The following TECPR2 variants were observed in gnomAD, a reference collection of about 807,000 sequenced individuals.
TECPR2 encodes tectonin beta-propeller repeat-containing protein 2.
In TECPR2, 65 loss-of-function variants were observed where a neutral mutation model predicts 138.1. That is an observed-to-expected ratio of 0.47 (90% CI 0.39 to 0.58). TECPR2 has a LOEUF of 0.58. Among genes scored for constraint, TECPR2 ranks in the 20% least tolerant of loss-of-function variants. The pLI is 0.00. For missense variants in TECPR2, 1,553 were observed against 1,824.5 expected (o/e 0.85, Z 2.71); for synonymous variants, 746 against 749.8 (o/e 0.99, Z 0.08).
intron 4 of TECPR2, among the ~76,000 whole-genome samples, chr14:102,413,168 T>C (rs1888928005): frequency 6.6e-6 from 1 of 152,092 alleles, no homozygotes; most frequent in African/African-American, 2.4e-5. Context: ...TACATGACTA[T>C]AAATTTGTCA....
chr14:102,441,530 A>T (rs1261946471), intron 11 of TECPR2, among the ~76,000 whole-genome samples: 3 of 151,634 alleles, frequency 2.0e-5, no homozygotes, highest in South Asian at 2.1e-4. Context: ...AAAAAAAAAA[A>T]ATACAAAAAA....
chr14:102,418,592 T>G (rs567943705), intron 5 of TECPR2, among the ~76,000 whole-genome samples: 1 of 152,184 alleles, frequency 6.6e-6, no homozygotes, highest in East Asian at 1.9e-4. Context: ...GGGAGCCCCC[T>G]CCCGTCGGCT....
rs1180712741 is a variant in TECPR2 at position 102,415,414 on chromosome 14, C to T, written c.638+621C>T. On this transcript the variant is annotated intron_variant, in intron 5 of 19. Transcript: ENST00000359520. The surrounding 1 kb of genome is among the most constrained non-coding windows in gnomAD (Gnocchi z 4.3). ...GTTGAGAGATCATTCCTCCTTTGAC[C>T]AGTGATGTGGAGGAAGGGCATCGAG... is the stretch of plus-strand genomic sequence containing the variant. 6.6e-6 allele frequency among the ~76,000 whole-genome samples: 1 copy of T among 152,122 alleles called. No individual in the cohort carries two copies. Among genetic ancestry groups the T allele is most frequent in the Non-Finnish European group, 1.5e-5 (1 of 68,032 alleles).
Position 102,499,965 on chromosome 14 carries a change from C to A in TECPR2, c.*1708C>A, listed in dbSNP as rs1891399623. 1 of 152,856 alleles carries A rather than the reference C, an allele frequency of 6.5e-6. No individual in the cohort carries two copies. Among genetic ancestry groups the A allele is most frequent in the South Asian group, 2.1e-4 (1 of 4,828 alleles). The allele number at this position is 152,856 out of a possible 1,614,324, so 9.5% of individuals were successfully genotyped here. The stretch of plus-strand genomic sequence containing the variant: ...AAAAGTTGGTGGCAGCAGAGGCAGC[C>A]CCAGGCCGGGCTGCATCTCTCTGTG... On this transcript the variant is annotated 3_prime_UTR_variant, in exon 20 of 20. Transcript: ENST00000359520.
At chr14:102,363,293 A>G (rs1397835167) in intron 1 of TECPR2, among the ~76,000 whole-genome samples, 177 bp downstream of exon 1, 1 of 152,116 alleles carries the variant, frequency 6.6e-6, no homozygotes, top group African/African-American at 2.4e-5. Context: ...AGTGGCGGAC[A>G]CTAAATGCCA....
intron 2 of TECPR2, among the ~76,000 whole-genome samples, chr14:102,398,432 A>G (rs1186278314): frequency 3.9e-5 from 6 of 152,208 alleles, no homozygotes; most frequent in Non-Finnish European, 8.8e-5. Context: ...TTGAAGAAAT[A>G]GTATCTGGAA....
chr14:102,396,244 A>G (rs1326396324), intron 2 of TECPR2, among the ~76,000 whole-genome samples: 3 of 151,826 alleles, frequency 2.0e-5, no homozygotes, highest in East Asian at 3.9e-4. Flanking sequence ...CTGGGATTAC[A>G]GGCACACACC....
At position 102,390,076 on chromosome 14, in the gene TECPR2, A is replaced by G. The variant is rs567045983; in HGVS notation, c.219+13136A>G. 1.6e-4 allele frequency among the ~76,000 whole-genome samples: 25 copies of G among 152,368 alleles called. No individual in the cohort carries two copies. The East Asian group carries it at 4.8e-3, about 29-fold the overall frequency. On this transcript the variant is annotated intron_variant, in intron 2 of 19. Transcript: ENST00000359520. Reference sequence around the variant, plus strand: ...ATTCTTTGGTATGCTAGTGGTTTCTACTGAAGGTTAAGCTTTGACCTACTA... The same window carrying G: ...ATTCTTTGGTATGCTAGTGGTTTCTGCTGAAGGTTAAGCTTTGACCTACTA...
intron 2 of TECPR2, among the ~76,000 whole-genome samples, chr14:102,391,260 A>G (rs1340231537): frequency 4.6e-5 from 7 of 152,036 alleles, no homozygotes; most frequent in Non-Finnish European, 1.0e-4. Flanking sequence ...GAGTTTCACC[A>G]TGTTGGCGAG....
chr14:102,445,361 G>A (rs1471472999), intron 12 of TECPR2, among the ~76,000 whole-genome samples: 1 of 151,918 alleles, frequency 6.6e-6, no homozygotes, highest in Non-Finnish European at 1.5e-5. Flanking sequence ...AGGCGCTCAG[G>A]GGCCTTGGAT....
intron 16 of TECPR2, among the ~76,000 whole-genome samples, chr14:102,464,098 G>A (rs147301083): frequency 3.8e-4 from 58 of 152,288 alleles, no homozygotes; most frequent in Middle Eastern, 3.4e-3. Flanking sequence ...ACCTCCTGCC[G>A]TGTGGCCCTC....
Position 102,498,293 on chromosome 14 carries a change from G to T in TECPR2, c.*36G>T. 1 of 1,577,326 alleles carries T rather than the reference G, an allele frequency of 6.3e-7. No homozygotes were observed. The highest frequency in any genetic ancestry group is 8.5e-7 in the Non-Finnish European group (1 of 1,169,728). On this transcript the variant is annotated 3_prime_UTR_variant, in exon 20 of 20. Coordinates refer to ENST00000359520, the MANE Select transcript of TECPR2 (RefSeq NM_014844.5). Reference sequence around the variant, plus strand: ...GCCGAGTCACGCGGAGGGGCCCGGCGTCTGTGGCGGGCACAGGGGCTTCAG... The same window carrying T: ...GCCGAGTCACGCGGAGGGGCCCGGCTTCTGTGGCGGGCACAGGGGCTTCAG...
chr14:102,376,503 A>G, intron 1 of TECPR2, 147 bp from the exon 2 acceptor site: 1 of 564,034 alleles, frequency 1.8e-6, no homozygotes. Context: ...CTCAAAAGTG[A>G]TCTTAGTGAC....
intron 6 of TECPR2, among the ~76,000 whole-genome samples, chr14:102,426,531 A>G (rs1000941979): frequency 1.3e-5 from 2 of 152,144 alleles, no homozygotes; most frequent in African/African-American, 4.8e-5. Context: ...CCTTTCTTTT[A>G]TAAGCAGAGC....
At chr14:102,497,919 C>T (rs559471749) in intron 19 of TECPR2, among the ~76,000 whole-genome samples, 184 bp from the exon 20 acceptor site, 4 of 152,344 alleles carry the variant, frequency 2.6e-5, no homozygotes, top group Admixed American at 2.0e-4. Flanking sequence ...TGGGCAAGGA[C>T]AAGGTGCTGT....
chr14:102,497,221 T>A (rs967338411), intron 18 of TECPR2, 101 bp downstream of exon 18: 1 of 1,485,248 alleles, frequency 6.7e-7, no homozygotes, highest in African/African-American at 1.4e-5. Context: ...TGAGGCAGCC[T>A]TTGTGCTGGG....
At chr14:102,441,124 G>A (rs1889818723) in intron 11 of TECPR2, among the ~76,000 whole-genome samples, 1 of 152,124 alleles carries the variant, frequency 6.6e-6, no homozygotes, top group African/African-American at 2.4e-5. Flanking sequence ...GCATGCAGTG[G>A]TGCCATCTTG....
In TECPR2 at chr14:102,417,641, T is replaced by C. The variant is rs550788119; in HGVS notation, c.638+2848T>C. ...GGAACAGCATATGCCAAGACCTCAA[T>C]TGGGCAAGAGCTTAGATGTTCAAGA... On this transcript the variant is annotated intron_variant, in intron 5 of 19. Transcript: ENST00000359520. Among the ~76,000 whole-genome samples, 42 of 152,258 alleles carry C rather than the reference T, an allele frequency of 2.8e-4. No homozygotes were observed. In the South Asian group the frequency reaches 8.1e-3, roughly 29 times the overall value.
At chr14:102,437,989 T>C in intron 9 of TECPR2, 33 bp from the exon 10 acceptor site, 1 of 1,604,140 alleles carries the variant, frequency 6.2e-7, no homozygotes, top group South Asian at 1.1e-5. Context: ...CTGTGTCCTC[T>C]GCCACAGAAC....
Sources: allele counts gnomAD v4.1 joint callset (sites outside exome capture counted in the v4.1 genomes callset), GRCh38; gene constraint gnomAD v4.1.1; non-coding constraint Gnocchi (gnomAD v3.1); transcripts MANE v1.5; gene names NCBI Gene and HGNC (gene_info 2026-07-23, HGNC 2026-07-21).